Variants in SH2B1 observed in about 807,000 individuals in gnomAD.
SH2B1 encodes SH2B adaptor protein 1, also known as SH2B adapter protein 1.
A neutral mutation model predicts 62.6 loss-of-function variants in SH2B1; 15 were observed. The observed-to-expected ratio is 0.24, with a 90% CI of 0.16 to 0.37. The LOEUF is 0.37. Ranked by LOEUF, SH2B1 falls within the 10% of genes least tolerant of loss-of-function variation. SH2B1 has a pLI of 1.00. For missense variants in SH2B1, 925 were observed against 1,015.6 expected (o/e 0.91, Z 1.21); for synonymous variants, 443 against 438.0 (o/e 1.01, Z -0.14).
chr16:28,873,981 C>A lies in SH2B1; in HGVS notation c.*161C>A. The A allele has an allele frequency of 3.2e-6, 2 of 630,574 alleles. No homozygotes were observed. Among genetic ancestry groups the A allele is most frequent in the Non-Finnish European group, 2.3e-6 (1 of 426,666 alleles). The allele number at this position is 630,574 out of a possible 1,614,324, so 39.1% of individuals were successfully genotyped here. A position where few individuals can be genotyped will look rare whatever the true frequency, so the allele number is the denominator to read the frequency against. The stretch of plus-strand genomic sequence containing the variant: ...CAAGCAGAGGCTCGGGAGAGGCTCC[C>A]GTCACACACTACAGGTCCCCTCCCC... On this transcript the variant is annotated 3_prime_UTR_variant, in exon 8 of 8. Coordinates refer to ENST00000684370, the MANE Select transcript of SH2B1 (RefSeq NM_001387430.1). The surrounding 1 kb of genome is among the most constrained non-coding windows in gnomAD (Gnocchi z 4.2).
Position 28,863,903 on chromosome 16 carries a change from G to T in SH2B1, c.-2192G>T. On this transcript the variant is annotated 5_prime_UTR_variant, in exon 1 of 8. Coordinates refer to ENST00000684370, the MANE Select transcript of SH2B1 (RefSeq NM_001387430.1). The stretch of plus-strand genomic sequence containing the variant: ...GGCGCAGGGAGCGGGAGCCGCCGCC[G>T]CCGCCGCCGCCGCCGGAGCTAACCT... The T allele has an allele frequency of 8.3e-7, 1 of 1,201,986 alleles. No homozygotes were observed. The highest frequency in any genetic ancestry group is 1.1e-6 in the Non-Finnish European group (1 of 903,572). 74.5% of individuals were successfully genotyped at this position (1,201,986 alleles called of 1,614,324 possible).
intron 1 of SH2B1, among the ~76,000 whole-genome samples, chr16:28,848,687 T>G (rs1282770271): frequency 6.8e-6 from 1 of 147,726 alleles, no homozygotes; most frequent in African/African-American, 2.5e-5. Flanking sequence ...TTTTTTTTTT[T>G]TTTGAGACAG....
At position 28,873,968 on chromosome 16, in the gene SH2B1, C is replaced by A; in HGVS notation, c.*148C>A. ...ATCTTTGATGGTACAAGCAGAGGCT[C>A]GGGAGAGGCTCCCGTCACACACTAC... On this transcript the variant is annotated 3_prime_UTR_variant, in exon 8 of 8. Coordinates refer to ENST00000684370, the MANE Select transcript of SH2B1 (RefSeq NM_001387430.1). The surrounding 1 kb of genome is among the most constrained non-coding windows in gnomAD (Gnocchi z 4.2). 1.3e-6 allele frequency: 1 copy of A among 748,806 alleles called. No homozygotes were observed. Among genetic ancestry groups the A allele is most frequent in the Non-Finnish European group, 1.9e-6 (1 of 533,524 alleles). 46.4% of individuals were successfully genotyped at this position (748,806 alleles called of 1,614,324 possible).
chr16:28,867,542 C>T, intron 2 of SH2B1, 110 bp downstream of exon 2: 1 of 779,440 alleles, frequency 1.3e-6, no homozygotes, highest in Non-Finnish European at 2.3e-6. Context: ...GTGTCCAGTG[C>T]CTTGAGAGTG....
chr16:28,862,365 G>C (rs904485537), upstream of SH2B1: 1 of 152,252 alleles, frequency 6.6e-6, no homozygotes, highest in South Asian at 2.1e-4. Context: ...CGCAGTCTTG[G>C]CTCACTGCAA....
rs1173236203 is a variant in SH2B1 at position 28,872,945 on chromosome 16, G to A, written c.1897+240G>A. On this transcript the variant is annotated intron_variant, in intron 7 of 7. Coordinates refer to ENST00000684370, the MANE Select transcript of SH2B1 (RefSeq NM_001387430.1). The surrounding 1 kb of genome is among the most constrained non-coding windows in gnomAD (Gnocchi z 5.3). ...GGCGGCAGCTGAGAGGTGGGCGGGC[G>A]CATCCCCATTCCATCGGATCCTCTG... The A allele has an allele frequency of 1.7e-5, 11 of 645,430 alleles. No homozygotes were observed. The highest frequency in any genetic ancestry group is 2.7e-5 in the Non-Finnish European group (10 of 371,618). The allele number at this position is 645,430 out of a possible 1,614,324, so 40.0% of individuals were successfully genotyped here. A position where few individuals can be genotyped will look rare whatever the true frequency, so the allele number is the denominator to read the frequency against.
At position 28,872,037 on chromosome 16, in the gene SH2B1, C is replaced by T. The variant is rs1306798946; in HGVS notation, c.1513+54C>T. On this transcript the variant is annotated intron_variant, in intron 5 of 7. Transcript: ENST00000684370. This position sits in a 1 kb window ranked among gnomAD's most constrained non-coding sequence, Gnocchi z 5.3. ...CAGGCCTGGGTGCCTACCTTCCTGA[C>T]CACCTCTCCTGGGATCCCGAGGGAG... 47 of 1,356,874 alleles carry T rather than the reference C, an allele frequency of 3.5e-5. No individual in the cohort carries two copies. In the South Asian group the frequency reaches 5.0e-4, roughly 14 times the overall value. 84.1% of individuals were successfully genotyped at this position (1,356,874 alleles called of 1,614,324 possible). A position where few individuals can be genotyped will look rare whatever the true frequency, so the allele number is the denominator to read the frequency against.
chr16:28,854,667 G>A (rs553300508), intron 1 of SH2B1, among the ~76,000 whole-genome samples: 1 of 152,048 alleles, frequency 6.6e-6, no homozygotes, highest in East Asian at 1.9e-4. Flanking sequence ...GAGGCAGGAG[G>A]ATCAATTCAG....
Position 28,869,083 on chromosome 16 carries a change from A to G in SH2B1, c.1119A>G (p.Glu373=), listed in dbSNP as rs754416028. 1.1e-5 allele frequency: 17 copies of G among 1,614,042 alleles called. No individual in the cohort carries two copies. Among genetic ancestry groups the G allele is most frequent in the Non-Finnish European group, 1.4e-5 (16 of 1,180,004 alleles). ...HVKAWVSDIQ[E]CLSPGPCPAT... ...AGGCCTGGGTGTCTGACATCCAAGA[A>G]TGCCTGAGCCCAGGGTGAGAAGCCT... is the stretch of plus-strand genomic sequence containing the variant. Residue 373 remains glutamate (E), a synonymous_variant, in exon 3 of 8, where the codon GAA becomes GAG. Coordinates refer to ENST00000684370, the MANE Select transcript of SH2B1 (RefSeq NM_001387430.1).
rs759012531 is a variant in SH2B1 at position 28,872,675 on chromosome 16, A to G, written c.1867A>G (p.Ser623Gly). 2 of 1,614,036 alleles carry G rather than the reference A, an allele frequency of 1.2e-6. No homozygotes were observed. The highest frequency in any genetic ancestry group is 1.7e-5 in the Admixed American group (1 of 59,992). Residue 623 changes from serine to glycine, a missense_variant, in exon 7 of 8, where the codon AGC (serine) becomes GGC (glycine). By Grantham distance (56) the Ser-to-Gly change is moderately conservative. Around this residue, in one of 3 missense-constraint regions of SH2B1, gnomAD observed 185 missense variants for 189.5 expected, o/e 0.98. Coordinates refer to ENST00000684370, the MANE Select transcript of SH2B1 (RefSeq NM_001387430.1). This position sits in a 1 kb window ranked among gnomAD's most constrained non-coding sequence, Gnocchi z 5.3. ...AGGCTCCAGTGATGTTGTCCTTGTC[A>G]GCTATGTCCCATCCTCCCAGCGACA... is the stretch of plus-strand genomic sequence containing the variant. ...SGGSSDVVLV[S>G]YVPSSQRQQE...
Position 28,873,851 on chromosome 16 carries a change from C to T in SH2B1, c.*31C>T. ...CCCCACCCGCTCCACCCTTTTTAAA[C>T]CCCCCAGCCCTGCTCGTGAGATTGG... On this transcript the variant is annotated 3_prime_UTR_variant, in exon 8 of 8. Coordinates refer to ENST00000684370, the MANE Select transcript of SH2B1 (RefSeq NM_001387430.1). The surrounding 1 kb of genome is among the most constrained non-coding windows in gnomAD (Gnocchi z 4.2). 7.1e-7 allele frequency: 1 copy of T among 1,400,756 alleles called. No individual in the cohort carries two copies. The highest frequency in any genetic ancestry group is 9.3e-7 in the Non-Finnish European group (1 of 1,080,040). The allele number at this position is 1,400,756 out of a possible 1,614,324, so 86.8% of individuals were successfully genotyped here.
Position 28,852,832 on chromosome 16 carries a change from A to ATATATTTACATATATATT in SH2B1, c.-301+6010_-301+6011insTTACATATATATTTATAT, listed in dbSNP as rs1962194306. Among the ~76,000 whole-genome samples, 2 of 76,090 alleles carry ATATATTTACATATATATT rather than the reference A, an allele frequency of 2.6e-5. 1 individual carries two copies. Among genetic ancestry groups the ATATATTTACATATATATT allele is most frequent in the African/African-American group, 1.1e-4 (2 of 18,898 alleles). The allele number at this position is 76,090 out of a possible 152,430, so 49.9% of individuals were successfully genotyped here. A position where few individuals can be genotyped will look rare whatever the true frequency, so the allele number is the denominator to read the frequency against. Reference sequence around the variant, plus strand: ...TACATATATTTACATATATATTTATATATATATACATATATATATTTTTAT... The same window carrying ATATATTTACATATATATT: ...TACATATATTTACATATATATTTATATATATTTACATATATATTTATATATACATATATATATTTTTAT... On this transcript the variant is annotated intron_variant, in intron 1 of 10. Transcript: ENST00000322610.
chr16:28,871,277 C>T (rs1301144329), intron 4 of SH2B1, among the ~76,000 whole-genome samples: 1 of 152,148 alleles, frequency 6.6e-6, no homozygotes, highest in Non-Finnish European at 1.5e-5. Context: ...CTCAACCTCC[C>T]AAAGTGCGGG....
In SH2B1 at chr16:28,865,801, G is replaced by A; in HGVS notation, c.-294G>A. 1 of 1,191,336 alleles carries A rather than the reference G, an allele frequency of 8.4e-7. No homozygotes were observed. 73.8% of individuals were successfully genotyped at this position (1,191,336 alleles called of 1,614,324 possible). A position where few individuals can be genotyped will look rare whatever the true frequency, so the allele number is the denominator to read the frequency against. On this transcript the variant is annotated 5_prime_UTR_variant, in exon 1 of 8. Transcript: ENST00000684370. The stretch of plus-strand genomic sequence containing the variant: ...AGGAAAGTGGGGGCAAATGTGGCAG[G>A]CTCGGGGCAGGTTAGACGCTGGGGA...
chr16:28,852,815 TTTAC>T (rs1962191272), intron 1 of SH2B1, among the ~76,000 whole-genome samples: 1 of 57,282 alleles, frequency 1.7e-5, no homozygotes, highest in African/African-American at 7.9e-5. Flanking sequence ...TTTACATATA[TTTAC>T]ATATATATTT....
At position 28,872,984 on chromosome 16, in the gene SH2B1, C is replaced by T. The variant is rs938563224; in HGVS notation, c.1897+279C>T. On this transcript the variant is annotated intron_variant, in intron 7 of 7. Transcript: ENST00000684370. The surrounding 1 kb of genome is among the most constrained non-coding windows in gnomAD (Gnocchi z 5.3). ...TCGGATCCTCTGTTCCATTGTCTGT[C>T]TGTCTCCTGGACCCATCCTGGCCTC... is the stretch of plus-strand genomic sequence containing the variant. 1.6e-6 allele frequency: 1 copy of T among 637,854 alleles called. No individual in the cohort carries two copies. 39.5% of individuals were successfully genotyped at this position (637,854 alleles called of 1,614,324 possible).
Position 28,873,282 on chromosome 16 carries a change from C to T in SH2B1, c.1898-165C>T, listed in dbSNP as rs897988001. 2.5e-6 allele frequency: 4 copies of T among 1,602,718 alleles called. No homozygotes were observed. Among genetic ancestry groups the T allele is most frequent in the Non-Finnish European group, 3.4e-6 (4 of 1,174,912 alleles). On this transcript the variant is annotated intron_variant, in intron 7 of 7. Coordinates refer to ENST00000684370, the MANE Select transcript of SH2B1 (RefSeq NM_001387430.1). The surrounding 1 kb of genome is among the most constrained non-coding windows in gnomAD (Gnocchi z 4.2). ...CGAGTGACTGTGTGTAAGTGTGGTC[C>T]TCCTCTCACCACCGCCCATGATCCA... is the stretch of plus-strand genomic sequence containing the variant.
Position 28,872,388 on chromosome 16 carries a change from A to G in SH2B1, c.1712A>G (p.Gln571Arg), listed in dbSNP as rs1434754340. ...RGEYVLTFNF[Q>R]GKAKHLRLSL... ...GAATACGTCCTCACCTTCAACTTCCAGGGCAAGGCCAAGGTGAGCCACCCT... is the reference window on the plus strand; with the variant it reads ...GAATACGTCCTCACCTTCAACTTCCGGGGCAAGGCCAAGGTGAGCCACCCT... The change falls in exon 6 of 8, where the codon CAG becomes CGG. Residue 571 changes from glutamine to arginine, a missense_variant. Physicochemically the swap from Gln to Arg is conservative, Grantham distance 43 (BLOSUM62 1). This residue lies in a region of SH2B1 where 57 missense variants were observed against 122.1 expected (regional missense o/e 0.47). Transcript: ENST00000684370. This position sits in a 1 kb window ranked among gnomAD's most constrained non-coding sequence, Gnocchi z 5.3. 1.2e-6 allele frequency: 2 copies of G among 1,604,688 alleles called. No individual in the cohort carries two copies. The highest frequency in any genetic ancestry group is 8.5e-7 in the Non-Finnish European group (1 of 1,174,280).
rs746074233 is a variant in SH2B1 at position 28,873,717 on chromosome 16, C to T, written c.2168C>T (p.Ala723Val). 74 of 1,498,052 alleles carry T rather than the reference C, an allele frequency of 4.9e-5. No individual in the cohort carries two copies. Among genetic ancestry groups the T allele is most frequent in the Non-Finnish European group, 6.0e-5 (67 of 1,122,166 alleles). 92.8% of individuals were successfully genotyped at this position (1,498,052 alleles called of 1,614,324 possible). ...EAQGAGSGGD[A>V]GVPPMVQLQQ... ...CAGGGCGCTGGGTCTGGTGGGGACGCGGGGGTGCCCCCAATGGTGCAGCTG... is the reference window on the plus strand; with the variant it reads ...CAGGGCGCTGGGTCTGGTGGGGACGTGGGGGTGCCCCCAATGGTGCAGCTG... The change falls in exon 8 of 8, where the codon GCG becomes GTG. Residue 723 changes from alanine (A) to valine (V), a missense_variant. Physicochemically the swap from Ala to Val is moderately conservative, Grantham distance 64 (BLOSUM62 0). Around this residue, in one of 3 missense-constraint regions of SH2B1, gnomAD observed 185 missense variants for 189.5 expected, o/e 0.98. Coordinates refer to ENST00000684370, the MANE Select transcript of SH2B1 (RefSeq NM_001387430.1). This position sits in a 1 kb window ranked among gnomAD's most constrained non-coding sequence, Gnocchi z 4.2.
Sources: allele counts gnomAD v4.1 joint callset (sites outside exome capture counted in the v4.1 genomes callset), GRCh38; gene constraint gnomAD v4.1.1; regional missense constraint gnomAD v4.1.1; non-coding constraint Gnocchi (gnomAD v3.1); transcripts MANE v1.5; gene names NCBI Gene and HGNC (gene_info 2026-07-23, HGNC 2026-07-21).